Variants in NALF1 observed in about 807,000 individuals in gnomAD.
NALF1 encodes the protein NALCN channel auxiliary factor 1, also known as family with sequence similarity 155 member A.
A neutral mutation model predicts 48.4 loss-of-function variants in NALF1; 3 were observed. The observed-to-expected ratio is 0.06, with a 90% confidence interval of 0.03 to 0.16. NALF1 has a LOEUF of 0.16. NALF1 is among the 10% of genes least tolerant of loss of function. The pLI is 1.00. For synonymous variants in NALF1, 262 were observed against 245.7 expected (o/e 1.07, Z -0.62); for missense variants, 526 against 571.5 (o/e 0.92, Z 0.81).
intron 1 of NALF1, among the ~76,000 whole-genome samples, chr13:107,240,871 G>A (rs1323607693): frequency 2.0e-5 from 3 of 151,508 alleles, no homozygotes; most frequent in Admixed American, 1.3e-4. Flanking sequence ...GGTATTTTAA[G>A]TACAAGAACT....
At chr13:107,667,094 T>A (rs766049565) in intron 1 of NALF1, among the ~76,000 whole-genome samples, 1 of 152,118 alleles carries the variant, frequency 6.6e-6, no homozygotes. Flanking sequence ...TAGATTTTTA[T>A]AGTTTCATCT....
At chr13:107,819,858 A>G (rs1879313288) in intron 1 of NALF1, among the ~76,000 whole-genome samples, 3 of 151,696 alleles carry the variant, frequency 2.0e-5, no homozygotes, top group African/African-American at 4.8e-5. Flanking sequence ...ACCTTGTAGT[A>G]GCGCTTGCCA....
intron 1 of NALF1, among the ~76,000 whole-genome samples, chr13:107,255,957 T>C (rs750100885): frequency 4.6e-5 from 7 of 152,110 alleles, no homozygotes; most frequent in Non-Finnish European, 7.3e-5. Flanking sequence ...CTTGGAGAAA[T>C]TGGATATCAA....
Position 107,644,646 on chromosome 13 carries a change from C to CATATATATAT in NALF1, c.915+221026_915+221035dup, listed in dbSNP as rs58981652. On this transcript the variant is annotated intron_variant, in intron 1 of 2. Coordinates refer to ENST00000375915, the MANE Select transcript of NALF1 (RefSeq NM_001080396.3). ...GTGTGTATACATACATACATACATA[C>CATATATATAT]ATATATATATATATATATATGCTTT... Among the ~76,000 whole-genome samples the CATATATATAT allele has an allele frequency of 1.4e-3, 152 of 108,240 alleles. 2 individuals are homozygous for CATATATATAT. The highest frequency in any genetic ancestry group is 3.7e-3 in the African/African-American group (110 of 29,548). The allele number at this position is 108,240 out of a possible 152,430, so 71.0% of individuals were successfully genotyped here. A position where few individuals can be genotyped will look rare whatever the true frequency, so the allele number is the denominator to read the frequency against.
intron 1 of NALF1, among the ~76,000 whole-genome samples, chr13:107,385,583 A>G (rs1196800205): frequency 2.7e-5 from 4 of 150,370 alleles, no homozygotes; most frequent in African/African-American, 4.9e-5. Context: ...AAAAACAAAG[A>G]AAAGAAAAAA....
chr13:107,243,921 C>T (rs1323737876), intron 1 of NALF1, among the ~76,000 whole-genome samples: 2 of 152,098 alleles, frequency 1.3e-5, no homozygotes, highest in African/African-American at 4.8e-5. Context: ...GGGGCTTCCA[C>T]CTCCTACCCT....
chr13:107,756,103 A>G (rs1439881529), intron 1 of NALF1, among the ~76,000 whole-genome samples: 1 of 152,198 alleles, frequency 6.6e-6, no homozygotes, highest in African/African-American at 2.4e-5. Context: ...TGACTCCTAC[A>G]TGCAATCTCC....
chr13:107,321,638 A>G (rs1882256764), intron 1 of NALF1, among the ~76,000 whole-genome samples: 1 of 152,124 alleles, frequency 6.6e-6, no homozygotes, highest in Non-Finnish European at 1.5e-5. Context: ...GGTTTCCACC[A>G]ACTTCCATGG....
chr13:107,231,643 C>CA (rs983534513), intron 1 of NALF1, among the ~76,000 whole-genome samples: 33 of 152,176 alleles, frequency 2.2e-4, no homozygotes, highest in African/African-American at 7.7e-4. Context: ...CTGTAATATA[C>CA]AAAAAAGCTA....
intron 1 of NALF1, among the ~76,000 whole-genome samples, chr13:107,749,708 A>C (rs1876879079): frequency 6.6e-6 from 1 of 152,136 alleles, no homozygotes; most frequent in Non-Finnish European, 1.5e-5. Context: ...TCAGACACTA[A>C]AGTTTCAAGG....
intron 1 of NALF1, among the ~76,000 whole-genome samples, chr13:107,811,089 A>G (rs1212579015): frequency 6.6e-6 from 1 of 152,146 alleles, no homozygotes; most frequent in African/African-American, 2.4e-5. Flanking sequence ...ATTTATCTAT[A>G]GAGTCCAAAA....
rs756169733 is a variant in NALF1, at chr13:107,168,076, C to A, written c.*2421G>T. On this transcript the variant is annotated 3_prime_UTR_variant, in exon 3 of 3. Coordinates refer to ENST00000375915, the MANE Select transcript of NALF1 (RefSeq NM_001080396.3). ...TGCAAGAATGGAAACGCCTATGGCA[C>A]GGGGAGAAGCAGCATGAGGAACGCT... 6.6e-6 allele frequency: 1 copy of A among 152,258 alleles called. No homozygotes were observed. The highest frequency in any genetic ancestry group is 1.5e-5 in the Non-Finnish European group (1 of 68,040). 9.4% of individuals were successfully genotyped at this position (152,258 alleles called of 1,614,324 possible).
At chr13:107,822,859 G>A (rs1459655332) in intron 1 of NALF1, among the ~76,000 whole-genome samples, 28 of 152,180 alleles carry the variant, frequency 1.8e-4, no homozygotes, top group Admixed American at 1.8e-3. Context: ...AGATTGAAAT[G>A]GTCAGTTAAG....
At chr13:107,398,399 A>AC (rs1883749323) in intron 1 of NALF1, among the ~76,000 whole-genome samples, 2 of 152,044 alleles carry the variant, frequency 1.3e-5, no homozygotes, top group Admixed American at 6.6e-5. Flanking sequence ...AAAAAAAAAA[A>AC]AACCCAAACA....
At chr13:107,580,777 C>T (rs1344052827) in intron 1 of NALF1, among the ~76,000 whole-genome samples, 2 of 152,172 alleles carry the variant, frequency 1.3e-5, no homozygotes, top group Admixed American at 6.5e-5. Context: ...TTGTTTTCCT[C>T]TTCCTGAATT....
intron 1 of NALF1, among the ~76,000 whole-genome samples, chr13:107,667,661 C>A (rs2138482785): frequency 6.6e-6 from 1 of 152,160 alleles, no homozygotes; most frequent in Non-Finnish European, 1.5e-5. Flanking sequence ...TTTAAAGTCA[C>A]ATTTTAAATT....
chr13:107,669,547 G>A (rs1303671803), intron 1 of NALF1, among the ~76,000 whole-genome samples: 2 of 152,100 alleles, frequency 1.3e-5, no homozygotes, highest in Admixed American at 1.3e-4. Flanking sequence ...GGAGCCACTG[G>A]GAGAACAATC....
chr13:107,213,862 G>C (rs1470800632), intron 1 of NALF1, among the ~76,000 whole-genome samples: 1 of 152,202 alleles, frequency 6.6e-6, no homozygotes, highest in African/African-American at 2.4e-5. Flanking sequence ...CTGCGGCTAA[G>C]AGCAAACGAG....
intron 1 of NALF1, among the ~76,000 whole-genome samples, chr13:107,229,757 G>A (rs1251518132): frequency 6.6e-6 from 1 of 152,168 alleles, no homozygotes. Context: ...GGTTTTGAAG[G>A]AGGTTTCTCC....
Sources: gnomAD v4.1 joint callset for allele counts (sites outside exome capture counted in the v4.1 genomes callset) on GRCh38, gnomAD v4.1.1 for gene constraint, MANE v1.5 for transcripts, NCBI Gene and HGNC (gene_info 2026-07-23, HGNC 2026-07-21) for gene names.